MIPOL1: variants seen among roughly 807,000 people sequenced by gnomAD.
MIPOL1 encodes the protein mirror-image polydactyly gene 1 protein.
Under a neutral mutation model 60.9 loss-of-function variants are expected in MIPOL1, and 57 were observed. The observed-to-expected ratio is 0.94, with a 90% CI of 0.76 to 1.17. The LOEUF is 1.17. Among genes scored for constraint, MIPOL1 ranks in the 50% most tolerant of loss-of-function variants. The pLI is 0.00. For synonymous variants in MIPOL1, 179 were observed against 168.8 expected, an observed-to-expected ratio of 1.06 and a Z score of -0.47; for missense variants, 551 against 511.6, an observed-to-expected ratio of 1.08 and a Z score of -0.74.
chr14:37,388,008 C>G (rs549167198), intron 10 of MIPOL1, among the ~76,000 whole-genome samples: 2 of 151,882 alleles, frequency 1.3e-5, no homozygotes, highest in African/African-American at 4.8e-5. Context: ...TTTGATGATG[C>G]TACTTGGAAA....
intron 7 of MIPOL1, among the ~76,000 whole-genome samples, chr14:37,299,224 A>T (rs2086116257): frequency 6.6e-6 from 1 of 150,568 alleles, no homozygotes; most frequent in Non-Finnish European, 1.5e-5. Context: ...TCATGTTCTC[A>T]CTCATAGGTG....
intron 1 of MIPOL1, among the ~76,000 whole-genome samples, chr14:37,206,373 G>A (rs1009336247): frequency 6.6e-6 from 1 of 152,252 alleles, no homozygotes; most frequent in African/African-American, 2.4e-5. Context: ...GTCAAGAACT[G>A]GGGTTTGCAA....
chr14:37,523,591 T>C, intron 12 of MIPOL1: 1 of 395,436 alleles, frequency 2.5e-6, no homozygotes, highest in Non-Finnish European at 4.5e-6. Flanking sequence ...AATATTTTTC[T>C]GTCATAATTA....
chr14:37,211,569 G>C (rs1966844389), intron 1 of MIPOL1, among the ~76,000 whole-genome samples: 1 of 152,156 alleles, frequency 6.6e-6, no homozygotes, highest in Admixed American at 6.5e-5. Context: ...CCAAATCTGA[G>C]TGCCTTCAAA....
chr14:37,437,552 T>G (rs1335178818), intron 11 of MIPOL1, among the ~76,000 whole-genome samples: 1 of 152,200 alleles, frequency 6.6e-6, no homozygotes, highest in Non-Finnish European at 1.5e-5. Flanking sequence ...TAGGTCTTCC[T>G]TCACCTTTTC....
chr14:37,332,198 A>G (rs1423365239), intron 9 of MIPOL1, among the ~76,000 whole-genome samples: 1 of 151,522 alleles, frequency 6.6e-6, no homozygotes, highest in African/African-American at 2.4e-5. Flanking sequence ...TAGGTTTGTC[A>G]TTTATGGCCT....
intron 11 of MIPOL1, among the ~76,000 whole-genome samples, chr14:37,456,674 G>A (rs1160849537): frequency 5.3e-5 from 8 of 151,980 alleles, no homozygotes; most frequent in Admixed American, 5.2e-4. Context: ...TTATTGACTT[G>A]TTTCAAAGAG....
intron 1 of MIPOL1, among the ~76,000 whole-genome samples, chr14:37,214,188 G>A (rs564630647): frequency 6.4e-4 from 96 of 150,622 alleles, no homozygotes; most frequent in Middle Eastern, 3.4e-3. Context: ...CTATGGCACG[G>A]TAACTGTGGT....
At chr14:37,250,399 T>A (rs1003724093) in intron 3 of MIPOL1, among the ~76,000 whole-genome samples, 11 of 151,882 alleles carry the variant, frequency 7.2e-5, no homozygotes, top group Admixed American at 6.6e-4. Context: ...AATACACAAA[T>A]TAGCTGGGTG....
At position 37,541,433 on chromosome 14, in the gene MIPOL1, C is replaced by T. The variant is rs114423645; in HGVS notation, c.1263-5472C>T. On this transcript the variant is annotated intron_variant, in intron 12 of 12. Transcript: ENST00000684589. ...CATAAACTCTGAGTTACTTCTATAA[C>T]TTGCTTTCCGCAAACCTACCCCCAA... 9.9e-3 allele frequency among the ~76,000 whole-genome samples: 1,500 copies of T among 152,280 alleles called. 32 individuals are homozygous for T. The highest frequency in any genetic ancestry group is 0.032 in the African/African-American group (1,338 of 41,548).
At chr14:37,309,331 T>G (rs1035235009) in intron 9 of MIPOL1, among the ~76,000 whole-genome samples, 1 of 151,986 alleles carries the variant, frequency 6.6e-6, no homozygotes, top group African/African-American at 2.4e-5. Flanking sequence ...CTGAAACTCA[T>G]GCATCAGACT....
chr14:37,444,877 G>C (rs982537088), intron 11 of MIPOL1, among the ~76,000 whole-genome samples: 5 of 152,000 alleles, frequency 3.3e-5, no homozygotes, highest in South Asian at 2.1e-4. Context: ...ATTCAACAAC[G>C]CTTCATGCTA....
At position 37,419,506 on chromosome 14, in the gene MIPOL1, G is replaced by T. The variant is rs148718427; in HGVS notation, c.937-3349G>T. ...ATTATGACTCAATAAGTCTGACATT[G>T]AAAAATCCATATGTGTACTTACTTG... On this transcript the variant is annotated intron_variant, in intron 10 of 12. Coordinates refer to ENST00000684589, the MANE Select transcript of MIPOL1 (RefSeq NM_001388067.1). 4.5e-4 allele frequency among the ~76,000 whole-genome samples: 68 copies of T among 152,204 alleles called. No individual in the cohort carries two copies. In the East Asian group the frequency reaches 0.013, roughly 28 times the overall value.
chr14:37,261,264 T>C (rs1005777587), intron 3 of MIPOL1, among the ~76,000 whole-genome samples: 1 of 151,628 alleles, frequency 6.6e-6, no homozygotes, highest in East Asian at 1.9e-4. Context: ...ATAAGATTAT[T>C]TGGGCCAAAA....
At chr14:37,352,329 C>T (rs2091466819) in intron 9 of MIPOL1, among the ~76,000 whole-genome samples, 2 of 16,364 alleles carry the variant, frequency 1.2e-4, no homozygotes, top group Non-Finnish European at 2.7e-4. Flanking sequence ...AGTTTGAAGT[C>T]AGGTAGTGTG....
At chr14:37,205,523 T>G (rs1965942691) in intron 1 of MIPOL1, among the ~76,000 whole-genome samples, 1 of 152,172 alleles carries the variant, frequency 6.6e-6, no homozygotes, top group Non-Finnish European at 1.5e-5. Context: ...AAAGTGCAGG[T>G]TTGATACATA....
At chr14:37,253,633 A>G (rs984364617) in intron 3 of MIPOL1, among the ~76,000 whole-genome samples, 3 of 151,794 alleles carry the variant, frequency 2.0e-5, no homozygotes, top group Non-Finnish European at 4.4e-5. Context: ...GGTACATTCT[A>G]CTGAGTTTCA....
At chr14:37,383,553 C>CT (rs2092984971) in intron 10 of MIPOL1, among the ~76,000 whole-genome samples, 1 of 151,672 alleles carries the variant, frequency 6.6e-6, no homozygotes, top group South Asian at 2.1e-4. Context: ...TCTGAGGTGC[C>CT]TCTTTTAAAA....
At chr14:37,451,828 T>C (rs2094422870) in intron 11 of MIPOL1, among the ~76,000 whole-genome samples, 1 of 73,722 alleles carries the variant, frequency 1.4e-5, no homozygotes, top group Admixed American at 1.3e-4. Flanking sequence ...TTTTTTTTTT[T>C]TTTTGAGACG....
Sources: allele counts gnomAD v4.1 joint callset (sites outside exome capture counted in the v4.1 genomes callset), GRCh38; gene constraint gnomAD v4.1.1; transcripts MANE v1.5; gene names NCBI Gene and HGNC (gene_info 2026-07-23, HGNC 2026-07-21).